Variants in NR3C2 observed in about 807,000 individuals in gnomAD.
NR3C2 encodes the protein nuclear receptor subfamily 3 group C member 2, also known as mineralocorticoid receptor.
Under a neutral mutation model 86.4 loss-of-function variants are expected in NR3C2, and 15 were observed. The ratio of observed to expected loss-of-function variants is 0.17; its 90% CI spans 0.12 to 0.27. The LOEUF is 0.27. Ranked by LOEUF, NR3C2 falls within the 10% of genes least tolerant of loss-of-function variation. The pLI, the probability that NR3C2 is intolerant of heterozygous loss-of-function variation, is 1.00. For missense variants in NR3C2, 960 were observed against 1,195.6 expected, an observed-to-expected ratio of 0.80 and a Z score of 2.91; for synonymous variants, 458 against 450.5, an observed-to-expected ratio of 1.02 and a Z score of -0.21.
At chr4:148,372,069 C>T (rs766492475) in intron 2 of NR3C2, among the ~76,000 whole-genome samples, 2 of 152,036 alleles carry the variant, frequency 1.3e-5, no homozygotes, top group South Asian at 2.1e-4. Flanking sequence ...ATAATTTTAG[C>T]GGACTCTAAA....
At chr4:148,158,032 A>G (rs1162202925) in intron 4 of NR3C2, among the ~76,000 whole-genome samples, 2 of 152,202 alleles carry the variant, frequency 1.3e-5, no homozygotes, top group Non-Finnish European at 2.9e-5. Flanking sequence ...TAATTAATTT[A>G]TAGACTATCT....
intron 8 of NR3C2, among the ~76,000 whole-genome samples, chr4:148,091,033 G>C (rs906817129): frequency 6.6e-6 from 1 of 152,278 alleles, no homozygotes; most frequent in Non-Finnish European, 1.5e-5. Flanking sequence ...GGCTCAGCCT[G>C]TGTTGTTGGG....
chr4:148,437,177 A>G (rs1427635409), intron 1 of NR3C2, among the ~76,000 whole-genome samples: 1 of 152,206 alleles, frequency 6.6e-6, no homozygotes, highest in Non-Finnish European at 1.5e-5. Context: ...TAGATATTCA[A>G]AGTAATCCTG....
chr4:148,426,565 A>C (rs901514625), intron 2 of NR3C2, among the ~76,000 whole-genome samples: 2 of 152,180 alleles, frequency 1.3e-5, no homozygotes, highest in African/African-American at 2.4e-5. Flanking sequence ...TCCCTTTGGC[A>C]TCTATGACTT....
At chr4:148,208,733 T>C (rs1234660307) in intron 3 of NR3C2, 3 of 152,250 alleles carry the variant, frequency 2.0e-5, no homozygotes, top group Non-Finnish European at 4.4e-5. Flanking sequence ...ATACTCCAGA[T>C]ATTATCCCAC....
At chr4:148,434,762 G>GA (rs1409802864) in intron 2 of NR3C2, among the ~76,000 whole-genome samples, 1 of 151,756 alleles carries the variant, frequency 6.6e-6, no homozygotes, top group Non-Finnish European at 1.5e-5. Flanking sequence ...ACAGCTAAAG[G>GA]AAAAAAAATC....
intron 2 of NR3C2, among the ~76,000 whole-genome samples, chr4:148,323,227 T>C (rs539035301): frequency 1.4e-3 from 190 of 139,016 alleles, no homozygotes; most frequent in African/African-American, 4.5e-3. Flanking sequence ...GAGGTGGCAG[T>C]CTGCCCGTTC....
chr4:148,162,467 A>C (rs1008082083), intron 4 of NR3C2, among the ~76,000 whole-genome samples: 4 of 152,046 alleles, frequency 2.6e-5, no homozygotes, highest in African/African-American at 9.7e-5. Flanking sequence ...TTTCAAGGTG[A>C]GACAACATGT....
chr4:148,142,831 C>T (rs1000760561), intron 6 of NR3C2, among the ~76,000 whole-genome samples: 2 of 152,146 alleles, frequency 1.3e-5, no homozygotes, highest in Non-Finnish European at 2.9e-5. Flanking sequence ...TGGTTTAGCA[C>T]CACCGCCTTG....
At chr4:148,185,342 A>G (rs1248205336) in intron 4 of NR3C2, among the ~76,000 whole-genome samples, 2 of 152,116 alleles carry the variant, frequency 1.3e-5, no homozygotes, top group Non-Finnish European at 2.9e-5. Flanking sequence ...TGGTACTTGG[A>G]GCACGTCCTC....
chr4:148,395,983 T>G (rs887812462), intron 2 of NR3C2, among the ~76,000 whole-genome samples: 1 of 152,234 alleles, frequency 6.6e-6, no homozygotes, highest in African/African-American at 2.4e-5. Context: ...CATTCCACTA[T>G]GCTTACAAAA....
intron 8 of NR3C2, among the ~76,000 whole-genome samples, chr4:148,090,814 CAG>C (rs1341421917): frequency 1.3e-5 from 2 of 152,178 alleles, no homozygotes; most frequent in African/African-American, 2.4e-5. Flanking sequence ...GTTCCACAGA[CAG>C]AGAAAGCAGC....
At chr4:148,323,359 G>A (rs1014354238) in intron 2 of NR3C2, among the ~76,000 whole-genome samples, 13 of 149,094 alleles carry the variant, frequency 8.7e-5, no homozygotes, top group Non-Finnish European at 1.3e-4. Flanking sequence ...CCCCAGAGGT[G>A]GAGCCTACAG....
chr4:148,269,364 A>G (rs757030723), intron 2 of NR3C2, among the ~76,000 whole-genome samples: 1 of 152,214 alleles, frequency 6.6e-6, no homozygotes, highest in Non-Finnish European at 1.5e-5. Context: ...TATCGACGGT[A>G]GTTTTTAAGC....
chr4:148,412,992 C>T (rs1318527935), intron 2 of NR3C2, among the ~76,000 whole-genome samples: 1 of 152,202 alleles, frequency 6.6e-6, no homozygotes, highest in Admixed American at 6.5e-5. Flanking sequence ...AAGTTTAAGA[C>T]AGCAATCTCA....
intron 2 of NR3C2, among the ~76,000 whole-genome samples, chr4:148,421,223 G>C (rs911238493): frequency 1.3e-5 from 2 of 152,068 alleles, no homozygotes; most frequent in African/African-American, 4.8e-5. Context: ...TCACCATTAA[G>C]TTAAGTGGCA....
rs549697411 is a variant in NR3C2 at position 148,421,618 on chromosome 4, T to A, written c.1757+13486A>T. On this transcript the variant is annotated intron_variant, in intron 2 of 8. Transcript: ENST00000358102. ...ACATTTCTGGAGGATACTGACAATG[T>A]ACTGACTCTGACAGTCATGGACATC... Among the ~76,000 whole-genome samples the A allele has an allele frequency of 4.6e-5, 7 of 152,352 alleles. No homozygotes were observed. In the East Asian group the frequency reaches 1.3e-3, roughly 29 times the overall value.
intron 3 of NR3C2, among the ~76,000 whole-genome samples, chr4:148,224,911 T>C (rs1366131329): frequency 2.6e-5 from 4 of 152,192 alleles, no homozygotes; most frequent in Admixed American, 1.3e-4. Context: ...ACTCCTGGAG[T>C]TGGGATTTCA....
At chr4:148,260,152 C>G in intron 2 of NR3C2, 35 bp from the exon 3 acceptor site, 1 of 1,612,986 alleles carries the variant, frequency 6.2e-7, no homozygotes, top group Non-Finnish European at 8.5e-7. Flanking sequence ...ATAACTACAC[C>G]GTAAAGGCAC....
Sources: gnomAD v4.1 joint callset for allele counts (sites outside exome capture counted in the v4.1 genomes callset) on GRCh38, gnomAD v4.1.1 for gene constraint, MANE v1.5 for transcripts, NCBI Gene and HGNC (gene_info 2026-07-23, HGNC 2026-07-21) for gene names.